Variants in CLNS1A observed in about 807,000 individuals in gnomAD.
CLNS1A encodes the protein chloride nucleotide-sensitive channel 1A, also known as methylosome subunit pICln.
In CLNS1A, 16 loss-of-function variants were observed where a neutral mutation model predicts 29.4. The ratio of observed to expected loss-of-function variants is 0.54; its 90% confidence interval spans 0.37 to 0.83. CLNS1A has a LOEUF of 0.83. Ranked by LOEUF, CLNS1A falls within the 40% of genes least tolerant of loss-of-function variation. CLNS1A has a pLI of 0.00. For missense variants in CLNS1A, 235 were observed against 287.4 expected (o/e 0.82, Z 1.32); for synonymous variants, 96 against 104.8 (o/e 0.92, Z 0.51).
intron 4 of CLNS1A, among the ~76,000 whole-genome samples, chr11:77,623,939 T>C (rs891279400): frequency 2.0e-5 from 3 of 152,178 alleles, no homozygotes; most frequent in South Asian, 4.1e-4. Context: ...AGAAATGACC[T>C]TGGCAGTGAG....
intron 1 of CLNS1A, among the ~76,000 whole-genome samples, chr11:77,634,067 T>A (rs1959099810): frequency 6.6e-6 from 1 of 151,434 alleles, no homozygotes; most frequent in African/African-American, 2.4e-5. Context: ...CGCCATTGCA[T>A]TCCAGCCTGG....
intron 1 of CLNS1A, 21 bp downstream of exon 1, chr11:77,637,569 G>C: frequency 6.3e-7 from 1 of 1,591,268 alleles, no homozygotes; most frequent in South Asian, 1.1e-5. Context: ...GGAGGCCAGC[G>C]CTGGGGACCA....
At position 77,633,018 on chromosome 11, in the gene CLNS1A, C is replaced by G. The variant is rs780613666; in HGVS notation, c.126-3119G>C. ...AGGAGAATTGGTTGAATCCAGGAGG[C>G]GGAGGTTGCAGTGAACCAAGATCAC... On this transcript the variant is annotated intron_variant, in intron 1 of 6. Transcript: ENST00000525428. 2.2e-5 allele frequency among the ~76,000 whole-genome samples: 3 copies of G among 137,318 alleles called. 1 individual carries two copies. Among genetic ancestry groups the G allele is most frequent in the African/African-American group, 8.3e-5 (3 of 36,246 alleles). 90.1% of individuals were successfully genotyped at this position (137,318 alleles called of 152,430 possible).
At position 77,637,598 on chromosome 11, in the gene CLNS1A, G is replaced by T; in HGVS notation, c.117C>A (p.Ile39=). ...GGGACCAGGAACCCTACCTCTCAGC[G>T]ATGTAAAGGGTACCAGTGCCGAGGC... ...GKGLGTGTLY[I]AESRLSWLDG... Residue 39 remains isoleucine, a synonymous_variant, in exon 1 of 7, where the codon ATC becomes ATA. Transcript: ENST00000525428. The T allele has an allele frequency of 6.2e-7, 1 of 1,602,134 alleles. No individual in the cohort carries two copies. The highest frequency in any genetic ancestry group is 8.5e-7 in the Non-Finnish European group (1 of 1,174,744).
chr11:77,637,615 T>C lies in CLNS1A; in HGVS notation c.100A>G (p.Thr34Ala), dbSNP rs746997793. 4.4e-6 allele frequency: 7 copies of C among 1,599,396 alleles called. No homozygotes were observed. In the African/African-American group the frequency reaches 6.7e-5, roughly 15 times the overall value. ...CTCTCAGCGATGTAAAGGGTACCAG[T>C]GCCGAGGCCCTTCCCGTTCAGCACA... The part of the protein sequence containing the change: ...EAVLNGKGLG[T>A]GTLYIAESRL... Residue 34 changes from threonine to alanine, a missense_variant, in exon 1 of 7, where the codon ACT becomes GCT. Coordinates refer to ENST00000525428, the MANE Select transcript of CLNS1A (RefSeq NM_001293.3).
chr11:77,623,636 GA>G (rs1402121968), intron 4 of CLNS1A, among the ~76,000 whole-genome samples: 1 of 151,478 alleles, frequency 6.6e-6, no homozygotes, highest in Non-Finnish European at 1.5e-5. Context: ...CAAAAAGGAT[GA>G]AAAATTTTAA....
chr11:77,628,564 G>A (rs1451720486), intron 2 of CLNS1A, among the ~76,000 whole-genome samples: 1 of 152,144 alleles, frequency 6.6e-6, no homozygotes, highest in African/African-American at 2.4e-5. Flanking sequence ...TCAGATAGCT[G>A]AATCAGTCAT....
intron 5 of CLNS1A, among the ~76,000 whole-genome samples, chr11:77,620,121 CAA>C: frequency 6.6e-6 from 1 of 151,864 alleles, no homozygotes. Context: ...GGGGAGGGAA[CAA>C]GAGAAAAAAA....
chr11:77,616,740 A>C (rs1208170658), intron 6 of CLNS1A, 45 bp from the exon 7 acceptor site: 1 of 152,296 alleles, frequency 6.6e-6, no homozygotes, highest in Non-Finnish European at 1.5e-5. Flanking sequence ...TGATAATAAT[A>C]ATAGCTACTA....
At chr11:77,621,417 T>C (rs1437936298) in intron 5 of CLNS1A, among the ~76,000 whole-genome samples, 5 of 152,172 alleles carry the variant, frequency 3.3e-5, no homozygotes, top group Non-Finnish European at 5.9e-5. Flanking sequence ...ATTATATTTA[T>C]TTTTTTCTAC....
intron 2 of CLNS1A, among the ~76,000 whole-genome samples, chr11:77,626,281 C>A (rs991996135): frequency 1.3e-5 from 2 of 152,034 alleles, no homozygotes; most frequent in Non-Finnish European, 2.9e-5. Context: ...TGGGGTCTTA[C>A]GATGTTGCCC....
rs534475452 is a variant in CLNS1A, at chr11:77,616,363, A to T, written c.*355T>A. The T allele has an allele frequency of 3.3e-5, 5 of 152,596 alleles. No individual in the cohort carries two copies. Among genetic ancestry groups the T allele is most frequent in the African/African-American group, 1.2e-4 (5 of 41,586 alleles). The allele number at this position is 152,596 out of a possible 1,614,324, so 9.5% of individuals were successfully genotyped here. A position where few individuals can be genotyped will look rare whatever the true frequency, so the allele number is the denominator to read the frequency against. On this transcript the variant is annotated 3_prime_UTR_variant, in exon 7 of 7. Coordinates refer to ENST00000525428, the MANE Select transcript of CLNS1A (RefSeq NM_001293.3). Reference sequence around the variant, plus strand: ...CTCTCTCTTTCCCCCGCAGTCTACCAAGCTCCTGTGCATTTTCACCACATA... The same window carrying T: ...CTCTCTCTTTCCCCCGCAGTCTACCTAGCTCCTGTGCATTTTCACCACATA...
At chr11:77,625,294 A>G in intron 3 of CLNS1A, 1 of 524,780 alleles carries the variant, frequency 1.9e-6, no homozygotes. Flanking sequence ...ATTTTCCAAG[A>G]AAAAAGGGTC....
chr11:77,617,973 T>C (rs1312403682), intron 6 of CLNS1A, among the ~76,000 whole-genome samples: 2 of 151,740 alleles, frequency 1.3e-5, no homozygotes, highest in Non-Finnish European at 2.9e-5. Context: ...AATAATTCTC[T>C]GCCTCTGAGC....
intron 1 of CLNS1A, among the ~76,000 whole-genome samples, chr11:77,635,273 A>G (rs542869404): frequency 6.6e-6 from 1 of 152,256 alleles, no homozygotes; most frequent in South Asian, 2.1e-4. Context: ...AGACATAAAC[A>G]TGGCAAAATG....
chr11:77,625,092 T>A, intron 3 of CLNS1A, 22 bp from the exon 4 acceptor site: 1 of 1,519,412 alleles, frequency 6.6e-7, no homozygotes, highest in Non-Finnish European at 9.1e-7. Flanking sequence ...AATTAAACTG[T>A]AACCAATCTT....
At chr11:77,618,205 G>C (rs987379766) in intron 6 of CLNS1A, among the ~76,000 whole-genome samples, 1 of 152,142 alleles carries the variant, frequency 6.6e-6, no homozygotes. Context: ...AAAGCCCAAA[G>C]ACCCAAAAAT....
At chr11:77,628,800 T>G (rs1959046209) in intron 2 of CLNS1A, among the ~76,000 whole-genome samples, 2 of 152,230 alleles carry the variant, frequency 1.3e-5, no homozygotes, top group African/African-American at 4.8e-5. Context: ...TACAAGTCTT[T>G]GCAATTATCC....
chr11:77,625,556 G>C, intron 3 of CLNS1A, 161 bp downstream of exon 3: 2 of 590,202 alleles, frequency 3.4e-6, no homozygotes, highest in Non-Finnish European at 5.8e-6. Flanking sequence ...ATAGGTATTT[G>C]GTCCTTAATG....
Sources: allele counts gnomAD v4.1 joint callset (sites outside exome capture counted in the v4.1 genomes callset), GRCh38; gene constraint gnomAD v4.1.1; transcripts MANE v1.5; gene names NCBI Gene and HGNC (gene_info 2026-07-23, HGNC 2026-07-21).